Variants in BCR observed in about 807,000 individuals in gnomAD.
BCR encodes the protein BCR activator of RhoGEF and GTPase.
In BCR, 58 loss-of-function variants were observed where a neutral mutation model predicts 138.6. The ratio of observed to expected loss-of-function variants is 0.42; its 90% CI spans 0.34 to 0.52. The LOEUF (loss-of-function observed/expected upper bound fraction) is 0.52, where lower values mean the gene tolerates loss of function less well. Ranked by LOEUF, BCR falls within the 20% of genes least tolerant of loss-of-function variation. The pLI is 0.06. For synonymous variants in BCR, 786 were observed against 730.1 expected, an observed-to-expected ratio of 1.08 and a Z score of -1.23; for missense variants, 1,599 against 1,727.2, an observed-to-expected ratio of 0.93 and a Z score of 1.32.
intron 1 of BCR, among the ~76,000 whole-genome samples, chr22:23,190,962 T>TCG (rs2072405556): frequency 6.6e-6 from 1 of 152,158 alleles, no homozygotes; most frequent in Non-Finnish European, 1.5e-5. Flanking sequence ...ATAAAGGGTC[T>TCG]CGCTCTGTTG....
At chr22:23,277,016 G>A (rs1250881556) in intron 8 of BCR, among the ~76,000 whole-genome samples, 3 of 152,244 alleles carry the variant, frequency 2.0e-5, no homozygotes, top group African/African-American at 7.2e-5. Flanking sequence ...CCCGCATGCT[G>A]CCATCTGTGT....
At position 23,293,924 on chromosome 22, in the gene BCR, C is replaced by T. The variant is rs950569270; in HGVS notation, c.2881-1100C>T. ...CACGCCTCGGTGTGAAGCGCAGATT[C>T]ACCAACAGCACCGTCAGGGTGATGG... On this transcript the variant is annotated intron_variant, in intron 15 of 22. Transcript: ENST00000305877. Among the ~76,000 whole-genome samples, 5 of 152,136 alleles carry T rather than the reference C, an allele frequency of 3.3e-5. No individual in the cohort carries two copies. The East Asian group carries it at 9.7e-4, about 29-fold the overall frequency.
At chr22:23,186,230 C>T (rs1213278230) in intron 1 of BCR, among the ~76,000 whole-genome samples, 1 of 152,234 alleles carries the variant, frequency 6.6e-6, no homozygotes, top group Admixed American at 6.5e-5. Flanking sequence ...GGCCTGGGGC[C>T]ACCCACGTCT....
chr22:23,271,697 C>A, intron 6 of BCR, 105 bp downstream of exon 6: 2 of 1,086,474 alleles, frequency 1.8e-6, no homozygotes, highest in East Asian at 4.9e-5. Flanking sequence ...TGGGTCATCC[C>A]TTGGTGCCTT....
intron 10 of BCR, among the ~76,000 whole-genome samples, chr22:23,285,795 T>C (rs1446839669): frequency 6.6e-6 from 1 of 152,212 alleles, no homozygotes; most frequent in African/African-American, 2.4e-5. Context: ...CCCTGGGTCA[T>C]GCAAGGCAGA....
chr22:23,192,499 T>A (rs184742678), intron 1 of BCR, among the ~76,000 whole-genome samples: 14 of 152,354 alleles, frequency 9.2e-5, no homozygotes, highest in East Asian at 1.9e-4. Context: ...GACAGCCTCA[T>A]TAACCTAAGT....
At chr22:23,211,220 C>T (rs910303780) in intron 1 of BCR, among the ~76,000 whole-genome samples, 43 of 152,254 alleles carry the variant, frequency 2.8e-4, no homozygotes, top group African/African-American at 7.7e-4. Context: ...TTTGTTGAGA[C>T]GGAGTCTTGC....
intron 1 of BCR, among the ~76,000 whole-genome samples, chr22:23,217,931 C>T (rs1229726022): frequency 2.0e-5 from 3 of 152,134 alleles, no homozygotes; most frequent in Non-Finnish European, 4.4e-5. Flanking sequence ...GTGGGAGAGC[C>T]GTGGCCCAGG....
chr22:23,289,633 C>T lies in BCR; in HGVS notation c.2707+12C>T, dbSNP rs769101469. 2.5e-6 allele frequency: 4 copies of T among 1,608,892 alleles called. No homozygotes were observed. Among genetic ancestry groups the T allele is most frequent in the Non-Finnish European group, 2.6e-6 (3 of 1,175,330 alleles). ...CATCAATAAGGAAGGTGGGCCCCCC[C>T]GTTTCCGTGTACAGGGCACCTGCAG... On this transcript the variant is annotated intron_variant, in intron 13 of 22. Transcript: ENST00000305877.
intron 1 of BCR, among the ~76,000 whole-genome samples, chr22:23,252,793 G>A (rs982883535): frequency 2.6e-5 from 4 of 152,146 alleles, no homozygotes; most frequent in Non-Finnish European, 5.9e-5. Flanking sequence ...TGTTTTCTCT[G>A]TACACAAGCT....
At chr22:23,233,132 G>A (rs1053411600) in intron 1 of BCR, among the ~76,000 whole-genome samples, 4 of 152,134 alleles carry the variant, frequency 2.6e-5, no homozygotes, top group Admixed American at 6.5e-5. Context: ...GGACCCCTTG[G>A]CATCTCCAGG....
Position 23,272,942 on chromosome 22 carries a change from T to A in BCR, c.1922-139T>A. The A allele has an allele frequency of 3.5e-6, 3 of 859,210 alleles. No individual in the cohort carries two copies. In the South Asian group the frequency reaches 4.6e-5, roughly 13 times the overall value. The allele number at this position is 859,210 out of a possible 1,614,324, so 53.2% of individuals were successfully genotyped here. The stretch of plus-strand genomic sequence containing the variant: ...CCTGTTGGGTGCTCTAGCCTTGCCC[T>A]TGTCACTGCGCAGAGGGGAGATGGG... On this transcript the variant is annotated intron_variant, in intron 6 of 22. Coordinates refer to ENST00000305877, the MANE Select transcript of BCR (RefSeq NM_004327.4).
At chr22:23,186,890 C>T (rs1286625502) in intron 1 of BCR, among the ~76,000 whole-genome samples, 1 of 152,198 alleles carries the variant, frequency 6.6e-6, no homozygotes, top group East Asian at 1.9e-4. Flanking sequence ...TGTGCACCAC[C>T]ACACCCAGCT....
At chr22:23,273,480 G>A (rs1309298664) in intron 7 of BCR, among the ~76,000 whole-genome samples, 154 bp from the exon 8 acceptor site, 1 of 152,184 alleles carries the variant, frequency 6.6e-6, no homozygotes, top group East Asian at 1.9e-4. Context: ...CACAAGCTCT[G>A]TCCACAAAGC....
chr22:23,285,808 T>G (rs1276951546), intron 10 of BCR, among the ~76,000 whole-genome samples: 2 of 152,072 alleles, frequency 1.3e-5, no homozygotes, highest in African/African-American at 4.8e-5. Context: ...AAGGCAGAAA[T>G]GAAGAGTTAG....
chr22:23,183,334 A>T (rs2146192003), intron 1 of BCR, among the ~76,000 whole-genome samples: 1 of 152,276 alleles, frequency 6.6e-6, no homozygotes, highest in South Asian at 2.1e-4. Flanking sequence ...TTTTCTGCTG[A>T]TGGAGGAGTT....
intron 16 of BCR, among the ~76,000 whole-genome samples, chr22:23,298,483 T>G (rs2073869030): frequency 6.6e-6 from 1 of 152,222 alleles, no homozygotes; most frequent in Non-Finnish European, 1.5e-5. Flanking sequence ...CTGGGTGAAT[T>G]ACTGTCCCAC....
intron 1 of BCR, among the ~76,000 whole-genome samples, chr22:23,191,826 T>C (rs1246586918): frequency 6.6e-6 from 1 of 152,178 alleles, no homozygotes; most frequent in South Asian, 2.1e-4. Flanking sequence ...GGTGGGTTTT[T>C]GGGGGCCTAG....
At chr22:23,311,543 C>G (rs1188481776) in intron 18 of BCR, among the ~76,000 whole-genome samples, 154 bp from the exon 19 acceptor site, 1 of 152,098 alleles carries the variant, frequency 6.6e-6, no homozygotes, top group Non-Finnish European at 1.5e-5. Context: ...AGAGGGAGGA[C>G]AGGCATGCAG....
Sources: gnomAD v4.1 joint callset for allele counts (sites outside exome capture counted in the v4.1 genomes callset) on GRCh38, gnomAD v4.1.1 for gene constraint, MANE v1.5 for transcripts, NCBI Gene and HGNC (gene_info 2026-07-23, HGNC 2026-07-21) for gene names.